The following NLRP2 variants were observed in gnomAD, a reference collection of about 807,000 sequenced individuals.
NLRP2 encodes the protein NLR family pyrin domain containing 2.
A neutral mutation model predicts 97.2 loss-of-function variants in NLRP2; 107 were observed. The observed-to-expected ratio is 1.10, with a 90% CI of 0.94 to 1.29. The LOEUF (loss-of-function observed/expected upper bound fraction) is 1.29. Among genes scored for constraint, NLRP2 ranks in the 50% most tolerant of loss-of-function variants. The pLI is 0.00. For synonymous variants in NLRP2, 663 were observed against 551.5 expected (o/e 1.20, Z -2.83); for missense variants, 1,495 against 1,330.3 (o/e 1.12, Z -1.93).
At position 54,982,814 on chromosome 19, in the gene NLRP2, T is replaced by C. The variant is rs1240783983; in HGVS notation, c.1116T>C (p.Phe372=). Reference sequence around the variant, plus strand: ...GGAGGGCCTATTTCCTGAGACACTTTGGAGACGAGGACCAAGCCATGCGTG... The same window carrying C: ...GGAGGGCCTATTTCCTGAGACACTTCGGAGACGAGGACCAAGCCATGCGTG... ...EDRRAYFLRH[F]GDEDQAMRAF... Residue 372 remains phenylalanine, a synonymous_variant, in exon 6 of 13, where the codon TTT becomes TTC. Coordinates refer to ENST00000448584, the MANE Select transcript of NLRP2 (RefSeq NM_017852.5). 11 of 1,613,686 alleles carry C rather than the reference T, an allele frequency of 6.8e-6. No individual in the cohort carries two copies. The highest frequency in any genetic ancestry group is 1.7e-4 in the Middle Eastern group (1 of 5,928).
rs756188251 is a variant in NLRP2 at position 54,981,630 on chromosome 19, G to T, written c.411G>T (p.Thr137=). 4.4e-6 allele frequency: 7 copies of T among 1,580,726 alleles called. No individual in the cohort carries two copies. The African/African-American group carries it at 6.8e-5, about 15-fold the overall frequency. The part of the protein sequence containing the change: ...FKTEAQAFTE[T]KGNVICLGKE... ...TGTATTTTGTAGCGTTTACAGAAAC[G>T]AAAGGAAATGTCATCTGCCTGGGTA... is the stretch of plus-strand genomic sequence containing the variant. Residue 137 remains threonine, a synonymous_variant, in exon 5 of 13, where the codon ACG becomes ACT. Transcript: ENST00000448584.
At chr19:54,976,741 A>G (rs2071252871) in intron 3 of NLRP2, 1 of 423,466 alleles carries the variant, frequency 2.4e-6, no homozygotes, top group Non-Finnish European at 4.6e-6. Flanking sequence ...CAGGAGTTCC[A>G]TGGACTCACC....
At chr19:54,994,154 C>T (rs1016255728) in intron 10 of NLRP2, 115 bp from the exon 11 acceptor site, 4 of 1,118,152 alleles carry the variant, frequency 3.6e-6, no homozygotes, top group Non-Finnish European at 4.1e-6. Flanking sequence ...GATTCCATTT[C>T]CATGTCACCA....
At chr19:54,969,520 T>C (rs1037608649) in intron 1 of NLRP2, among the ~76,000 whole-genome samples, 4 of 147,858 alleles carry the variant, frequency 2.7e-5, no homozygotes, top group African/African-American at 1.0e-4. Flanking sequence ...CTGAGCGTGG[T>C]GGTGGGTGCC....
chr19:54,978,168 C>T (rs919627439), intron 4 of NLRP2, among the ~76,000 whole-genome samples: 5 of 151,884 alleles, frequency 3.3e-5, no homozygotes, highest in Admixed American at 6.6e-5. Context: ...AAGCGATTCT[C>T]CTGATTCTCC....
Position 54,990,172 on chromosome 19 carries a change from G to A in NLRP2, c.2517G>A (p.Lys839=), listed in dbSNP as rs770910850. ...TGTACACAACTTTGAGACACCCCAAGTGCTTTCTGCAGAGGTTGTCGTAAG... is the reference window on the plus strand; with the variant it reads ...TGTACACAACTTTGAGACACCCCAAATGCTTTCTGCAGAGGTTGTCGTAAG... ...KLLYTTLRHP[K]CFLQRLSLEN... The change falls in exon 9 of 13, where the codon AAG becomes AAA. Residue 839 remains lysine (K), a synonymous_variant. Transcript: ENST00000448584. 1 of 1,614,014 alleles carries A rather than the reference G, an allele frequency of 6.2e-7. No homozygotes were observed. The highest frequency in any genetic ancestry group is 1.3e-5 in the African/African-American group (1 of 74,912).
chr19:54,996,409 A>T (rs567272164), intron 11 of NLRP2, among the ~76,000 whole-genome samples: 94 of 152,094 alleles, frequency 6.2e-4, no homozygotes, highest in East Asian at 3.7e-3. Context: ...ACTTGGAGGC[A>T]CGAGAACTGC....
intron 2 of NLRP2, among the ~76,000 whole-genome samples, chr19:54,973,130 G>A (rs1338355131): frequency 6.6e-6 from 1 of 151,606 alleles, no homozygotes; most frequent in Non-Finnish European, 1.5e-5. Flanking sequence ...GTCAGAGGTT[G>A]CAGTGAGCCA....
Position 54,986,316 on chromosome 19 carries a change from G to C in NLRP2, c.2366+1G>C, listed in dbSNP as rs1482110976. ...CAGAATGTAACCTGCGATATCTCGG[G>C]TATATCTCTTAATCATTAAAATCCT... On this transcript the variant is annotated splice_donor_variant, in intron 8 of 12. Coordinates refer to ENST00000448584, the MANE Select transcript of NLRP2 (RefSeq NM_017852.5). LOFTEE classifies it high-confidence loss of function. 1 of 1,611,982 alleles carries C rather than the reference G, an allele frequency of 6.2e-7. No individual in the cohort carries two copies. Among genetic ancestry groups the C allele is most frequent in the Non-Finnish European group, 8.5e-7 (1 of 1,178,236 alleles).
At chr19:54,970,317 CTG>C in intron 2 of NLRP2, 22 bp downstream of exon 2, 1 of 1,613,486 alleles carries the variant, frequency 6.2e-7, no homozygotes, top group Non-Finnish European at 8.5e-7. Flanking sequence ...TCGGTCCACA[CTG>C]TGTCCTAGGA....
chr19:54,990,949 G>A (rs2039723980), intron 10 of NLRP2: 3 of 485,394 alleles, frequency 6.2e-6, no homozygotes, highest in Admixed American at 3.4e-5. Context: ...ATGGGATCTC[G>A]CCGTGTTGCC....
rs2146427557 is a variant in NLRP2, at chr19:54,982,329, C to CT, written c.632dup (p.Tyr212ValfsTer57). On this transcript the variant is annotated frameshift_variant, in exon 6 of 13. Transcript: ENST00000448584. LOFTEE classifies it high-confidence loss of function. ...CGGGCCCTTCTCATACACGGTGGTG[C>CT]TGTATGGTCCTGCAGGCCTTGGGAA... is the stretch of plus-strand genomic sequence containing the variant. The CT allele has an allele frequency of 6.2e-7, 1 of 1,614,072 alleles. No individual in the cohort carries two copies. The highest frequency in any genetic ancestry group is 1.3e-5 in the African/African-American group (1 of 75,014).
chr19:54,974,447 A>C (rs79244676), intron 2 of NLRP2, 53 bp from the exon 3 acceptor site: 55 of 1,349,878 alleles, frequency 4.1e-5, no homozygotes, highest in Non-Finnish European at 5.3e-5. Context: ...GAAGGCAATA[A>C]AATCTTGAGC....
chr19:54,981,539 C>T, intron 4 of NLRP2, 78 bp from the exon 5 acceptor site: 1 of 691,886 alleles, frequency 1.4e-6, no homozygotes, highest in Middle Eastern at 2.6e-4. Context: ...CATCAGCCTG[C>T]CTCCTTTTCT....
At chr19:54,969,477 CAAAAAAAA>C (rs757668995) in intron 1 of NLRP2, among the ~76,000 whole-genome samples, 1 of 94,620 alleles carries the variant, frequency 1.1e-5, no homozygotes, top group South Asian at 3.5e-4. Flanking sequence ...GACTCCGTCT[CAAAAAAAA>C]AAAAAAAAAA....
intron 5 of NLRP2, 25 bp from the exon 6 acceptor site, chr19:54,982,137 C>T: frequency 6.2e-7 from 1 of 1,613,634 alleles, no homozygotes; most frequent in Non-Finnish European, 8.5e-7. Context: ...ATCCTCTCTC[C>T]CTTCCCTCCT....
At chr19:54,995,620 G>T (rs185492068) in intron 11 of NLRP2, among the ~76,000 whole-genome samples, 15 of 152,014 alleles carry the variant, frequency 9.9e-5, no homozygotes, top group African/African-American at 3.4e-4. Flanking sequence ...ATTAGATATC[G>T]TGCCAGAAAA....
intron 6 of NLRP2, among the ~76,000 whole-genome samples, chr19:54,984,329 G>GGTTTTTTTTTTTTTTTTTTTTTTT (rs1329961462): frequency 1.1e-4 from 9 of 79,670 alleles, no homozygotes; most frequent in Non-Finnish European, 2.0e-4. Flanking sequence ...TTTTTTTTGT[G>GGTTTTTTTTTTTTTTTTTTTTTTT]TTTTTTTTTT....
intron 11 of NLRP2, among the ~76,000 whole-genome samples, chr19:54,996,266 C>T (rs1295441056): frequency 1.3e-5 from 2 of 151,740 alleles, no homozygotes; most frequent in East Asian, 3.9e-4. Flanking sequence ...TTTGGGAGGC[C>T]GAGGCAGGTG....
Sources: gnomAD v4.1 joint callset for allele counts (sites outside exome capture counted in the v4.1 genomes callset) on GRCh38, gnomAD v4.1.1 for gene constraint, MANE v1.5 for transcripts, NCBI Gene and HGNC (gene_info 2026-07-23, HGNC 2026-07-21) for gene names.